The following SNX31 variants were observed in gnomAD, a reference collection of about 807,000 sequenced individuals.
The protein encoded by SNX31 is sorting nexin 31, also known as sorting nexin-31.
SNX31 carries 58 observed loss-of-function variants against 65.4 expected under a neutral mutation model. That is an observed-to-expected ratio of 0.89 (90% CI 0.72 to 1.10). The LOEUF is 1.10. Ranked by LOEUF, SNX31 falls within the 50% of genes least tolerant of loss-of-function variation. SNX31 has a pLI of 0.00. For synonymous variants in SNX31, 181 were observed against 190.1 expected (o/e 0.95, Z 0.39); for missense variants, 523 against 529.7 (o/e 0.99, Z 0.12).
At chr8:100,642,919 G>A (rs751488240) in intron 2 of SNX31, among the ~76,000 whole-genome samples, 3 of 152,122 alleles carry the variant, frequency 2.0e-5, no homozygotes, top group Non-Finnish European at 4.4e-5. Flanking sequence ...GGGCGGGCGT[G>A]ATGGCTCATG....
At chr8:100,647,281 C>A (rs901018386) in intron 2 of SNX31, among the ~76,000 whole-genome samples, 2 of 152,130 alleles carry the variant, frequency 1.3e-5, no homozygotes, top group East Asian at 1.9e-4. Flanking sequence ...TTATTAAAAT[C>A]TATTTTATTA....
chr8:100,659,667 CAG>C (rs1451107119), intron 1 of SNX31, among the ~76,000 whole-genome samples: 2 of 151,942 alleles, frequency 1.3e-5, no homozygotes, highest in Non-Finnish European at 2.9e-5. Context: ...TTAGAAAACA[CAG>C]ATAAACCAAA....
intron 11 of SNX31, among the ~76,000 whole-genome samples, chr8:100,584,486 A>G (rs542666768): frequency 6.6e-6 from 1 of 152,230 alleles, no homozygotes; most frequent in South Asian, 2.1e-4. Flanking sequence ...CATGTTTTCT[A>G]TTATTTTGTA....
At chr8:100,656,874 T>C (rs939191375) in intron 1 of SNX31, among the ~76,000 whole-genome samples, 1 of 152,116 alleles carries the variant, frequency 6.6e-6, no homozygotes, top group Non-Finnish European at 1.5e-5. Flanking sequence ...TCTCTTCATG[T>C]GTAATGGTTG....
chr8:100,647,427 T>C (rs1819712743), intron 2 of SNX31, among the ~76,000 whole-genome samples: 1 of 152,230 alleles, frequency 6.6e-6, no homozygotes, highest in Non-Finnish European at 1.5e-5. Flanking sequence ...ACTCACTCTA[T>C]GCCTCTGCTT....
intron 2 of SNX31, among the ~76,000 whole-genome samples, chr8:100,637,734 C>T (rs1037597083): frequency 1.3e-5 from 2 of 151,912 alleles, no homozygotes; most frequent in East Asian, 1.9e-4. Context: ...CTCGCTCTGT[C>T]GCCCAGGCTG....
chr8:100,578,826 A>G lies in SNX31; in HGVS notation c.1171-1751T>C, dbSNP rs182072278. On this transcript the variant is annotated intron_variant, in intron 12 of 13. Transcript: ENST00000311812. The surrounding 1 kb of genome is among the most constrained non-coding windows in gnomAD (Gnocchi z 4.7). Reference sequence around the variant, plus strand: ...AACCTCCACCTCCTGGATTCAAGCGATTCTCCAGCCTCAGTCTCCCAAGTA... The same window carrying G: ...AACCTCCACCTCCTGGATTCAAGCGGTTCTCCAGCCTCAGTCTCCCAAGTA... Among the ~76,000 whole-genome samples the G allele has an allele frequency of 4.7e-3, 713 of 152,028 alleles. 6 individuals carry two copies. The highest frequency in any genetic ancestry group is 0.029 in the South Asian group (140 of 4,816).
rs769544731 is a variant in SNX31, at chr8:100,626,928, G to C, written c.321+3399C>G. On this transcript the variant is annotated intron_variant, in intron 4 of 13. Coordinates refer to ENST00000311812, the MANE Select transcript of SNX31 (RefSeq NM_152628.4). This position sits in a 1 kb window ranked among gnomAD's most constrained non-coding sequence, Gnocchi z 4.4. The stretch of plus-strand genomic sequence containing the variant: ...TAAAGCCATTACAAAAGTGAAAATT[G>C]TGTTAGAAAAAGTAAAAAGAGGCAC... Among the ~76,000 whole-genome samples the C allele has an allele frequency of 2.9e-4, 44 of 152,192 alleles. 1 individual carries two copies. Among genetic ancestry groups the C allele is most frequent in the Non-Finnish European group, 1.0e-4 (7 of 68,036 alleles).
Position 100,575,768 on chromosome 8 carries a change from A to G in SNX31, c.1227+1251T>C, listed in dbSNP as rs954468005. Among the ~76,000 whole-genome samples, 1 of 152,180 alleles carries G rather than the reference A, an allele frequency of 6.6e-6. No homozygotes were observed. Among genetic ancestry groups the G allele is most frequent in the Non-Finnish European group, 1.5e-5 (1 of 68,026 alleles). ...CTGGTGTTCTAGGATAATGGTTCCA[A>G]TTCTGGTTGTATAATAGGACCACTT... On this transcript the variant is annotated intron_variant, in intron 13 of 13. Coordinates refer to ENST00000311812, the MANE Select transcript of SNX31 (RefSeq NM_152628.4). The surrounding 1 kb of genome is among the most constrained non-coding windows in gnomAD (Gnocchi z 5.1).
chr8:100,657,045 C>T (rs3016889), intron 1 of SNX31, among the ~76,000 whole-genome samples: 57,141 of 152,042 alleles, frequency 0.38, 12,244 homozygotes, highest in African/African-American at 0.59. Context: ...AGAAAGATGG[C>T]GTGCCATTGG....
chr8:100,642,077 T>TCAAA (rs5893527), intron 2 of SNX31, among the ~76,000 whole-genome samples: 72,597 of 150,300 alleles, frequency 0.48, 17,911 homozygotes, highest in African/African-American at 0.57. Context: ...AGACTCCATC[T>TCAAA]CAAACAAACA....
chr8:100,629,746 C>T lies in SNX31; in HGVS notation c.321+581G>A, dbSNP rs1180358340. Among the ~76,000 whole-genome samples, 1 of 152,182 alleles carries T rather than the reference C, an allele frequency of 6.6e-6. No individual in the cohort carries two copies. The highest frequency in any genetic ancestry group is 1.5e-5 in the Non-Finnish European group (1 of 68,038). On this transcript the variant is annotated intron_variant, in intron 4 of 13. Transcript: ENST00000311812. This position sits in a 1 kb window ranked among gnomAD's most constrained non-coding sequence, Gnocchi z 5.1. ...TAGAATGAGTGTTGTGCTAAACAAA[C>T]GTACTTAGCAGTTTCAGCCTAGGGA... is the stretch of plus-strand genomic sequence containing the variant.
At chr8:100,617,973 C>T (rs1327042040) in intron 4 of SNX31, 17 of 571,152 alleles carry the variant, frequency 3.0e-5, no homozygotes, top group Non-Finnish European at 3.5e-5. Flanking sequence ...ACTGTGTTGG[C>T]CAGGCTGGTC....
In SNX31 at chr8:100,614,235, T is replaced by A. The variant is rs1004725599; in HGVS notation, c.433-1150A>T. Among the ~76,000 whole-genome samples the A allele has an allele frequency of 5.9e-5, 9 of 152,044 alleles. No individual in the cohort carries two copies. Among genetic ancestry groups the A allele is most frequent in the African/African-American group, 1.9e-4 (8 of 41,360 alleles). On this transcript the variant is annotated intron_variant, in intron 5 of 13. Coordinates refer to ENST00000311812, the MANE Select transcript of SNX31 (RefSeq NM_152628.4). The surrounding 1 kb of genome is among the most constrained non-coding windows in gnomAD (Gnocchi z 5.1). ...ACACCCAAAAGCCAAACACAGTGGG[T>A]AAGTGTGTGGTAGGTAACAGCATAG...
chr8:100,624,526 A>G (rs1817916412), intron 4 of SNX31, among the ~76,000 whole-genome samples: 1 of 152,170 alleles, frequency 6.6e-6, no homozygotes, highest in Admixed American at 6.5e-5. Flanking sequence ...GTAAACAAAC[A>G]TTTTAGAGCA....
chr8:100,573,802 C>T lies in SNX31; in HGVS notation c.*63G>A. ...CTGATGGTAGGTAGCCCACCTGAAT[C>T]CCCAAGTTCTTTCACTGTCTTGAGA... On this transcript the variant is annotated 3_prime_UTR_variant, in exon 14 of 14. Coordinates refer to ENST00000311812, the MANE Select transcript of SNX31 (RefSeq NM_152628.4). 1 of 1,187,824 alleles carries T rather than the reference C, an allele frequency of 8.4e-7. No homozygotes were observed. The highest frequency in any genetic ancestry group is 1.2e-6 in the Non-Finnish European group (1 of 846,276). The allele number at this position is 1,187,824 out of a possible 1,614,324, so 73.6% of individuals were successfully genotyped here.
chr8:100,616,334 T>C (rs1817199089), intron 5 of SNX31, among the ~76,000 whole-genome samples: 1 of 152,176 alleles, frequency 6.6e-6, no homozygotes, highest in Non-Finnish European at 1.5e-5. Flanking sequence ...ATGATGTCTT[T>C]GGGGAAGGCA....
intron 2 of SNX31, among the ~76,000 whole-genome samples, chr8:100,643,829 T>G (rs1387870915): frequency 2.0e-5 from 3 of 152,170 alleles, no homozygotes; most frequent in Admixed American, 6.5e-5. Flanking sequence ...TTCATTCAAA[T>G]ATTTGGATTT....
At chr8:100,651,013 C>A (rs1041933620), upstream of SNX31, among the ~76,000 whole-genome samples, 32 of 152,158 alleles carry the variant, frequency 2.1e-4, no homozygotes, top group African/African-American at 7.5e-4. Flanking sequence ...CCACCACACC[C>A]GGCTAATTTT....
Sources: gnomAD v4.1 joint callset for allele counts (sites outside exome capture counted in the v4.1 genomes callset) on GRCh38, gnomAD v4.1.1 for gene constraint, Gnocchi (gnomAD v3.1) non-coding constraint, MANE v1.5 for transcripts, NCBI Gene and HGNC (gene_info 2026-07-23, HGNC 2026-07-21) for gene names.